Variants in CHD1 observed in about 807,000 individuals in gnomAD.
The protein encoded by CHD1 is ATP-dependent chromatin remodeler CHD1.
Under a neutral mutation model 224.2 loss-of-function variants are expected in CHD1, and 36 were observed. The observed-to-expected ratio is 0.16, with a 90% CI of 0.12 to 0.21. The LOEUF is 0.21. Among genes scored for constraint, CHD1 ranks in the 10% least tolerant of loss-of-function variants. The probability of loss-of-function intolerance (pLI) is 1.00; values close to 1 mark genes in which losing one functional copy is unlikely to be tolerated. For missense variants in CHD1, 1,378 were observed against 1,994.8 expected, an observed-to-expected ratio of 0.69 and a Z score of 5.89; for synonymous variants, 668 against 658.3, an observed-to-expected ratio of 1.01 and a Z score of -0.23.
chr5:98,885,335 T>G (rs1173770667), intron 18 of CHD1, among the ~76,000 whole-genome samples: 2 of 152,226 alleles, frequency 1.3e-5, no homozygotes, highest in East Asian at 3.9e-4. Flanking sequence ...GAGGTTGCAG[T>G]GAGTTGAGAT....
intron 15 of CHD1, among the ~76,000 whole-genome samples, chr5:98,890,611 TTTTC>T (rs757029456): frequency 1.6e-4 from 24 of 152,300 alleles, no homozygotes; most frequent in Non-Finnish European, 3.2e-4. Context: ...CTACTTTGAC[TTTTC>T]TTTCTAAATA....
intron 16 of CHD1, 118 bp from the exon 17 acceptor site, chr5:98,888,358 C>T: frequency 2.6e-6 from 2 of 766,648 alleles, no homozygotes; most frequent in Non-Finnish European, 3.9e-6. Context: ...TGTTAGAAAA[C>T]AACTTATTTC....
intron 16 of CHD1, 48 bp downstream of exon 16, chr5:98,889,028 A>C: frequency 1.5e-6 from 2 of 1,336,036 alleles, no homozygotes; most frequent in Non-Finnish European, 2.1e-6. Flanking sequence ...AGTGAAATCA[A>C]CATTTCTAGA....
chr5:98,919,677 A>G (rs1752963633), intron 2 of CHD1, among the ~76,000 whole-genome samples: 1 of 152,178 alleles, frequency 6.6e-6, no homozygotes, highest in Non-Finnish European at 1.5e-5. Flanking sequence ...GTTAGAATGA[A>G]CCCTATAGCA....
intron 2 of CHD1, among the ~76,000 whole-genome samples, chr5:98,909,732 C>G (rs965659169): frequency 2.6e-5 from 4 of 152,102 alleles, no homozygotes; most frequent in African/African-American, 9.7e-5. Context: ...TGAGTTAAAT[C>G]GCCAGCATCC....
At position 98,910,023 on chromosome 5, in the gene CHD1, T is replaced by C. The variant is rs189343486; in HGVS notation, c.54-4925A>G. Among the ~76,000 whole-genome samples the C allele has an allele frequency of 3.3e-3, 498 of 152,280 alleles. 9 individuals carry two copies. The highest frequency in any genetic ancestry group is 0.022 in the Admixed American group (329 of 15,296). ...GCCATTTTATCAAAAAGCCCTTCTATTTATAATAAATTAGAAACTAAGTTG... is the reference window on the plus strand; with the variant it reads ...GCCATTTTATCAAAAAGCCCTTCTACTTATAATAAATTAGAAACTAAGTTG... On this transcript the variant is annotated intron_variant, in intron 2 of 35. Coordinates refer to ENST00000614616, the MANE Select transcript of CHD1 (RefSeq NM_001270.4).
intron 17 of CHD1, among the ~76,000 whole-genome samples, chr5:98,886,816 G>A (rs1750679618): frequency 6.6e-6 from 1 of 151,966 alleles, no homozygotes; most frequent in African/African-American, 2.4e-5. Flanking sequence ...CATTACTGTG[G>A]CATGACCTAA....
intron 34 of CHD1, 44 bp from the exon 35 acceptor site, chr5:98,858,434 G>A: frequency 6.6e-7 from 1 of 1,519,320 alleles, no homozygotes; most frequent in Admixed American, 1.8e-5. Flanking sequence ...TAAAAATAAT[G>A]TGGCAAAAAA....
rs1034806946 is a variant in CHD1, at chr5:98,882,426, G to T, written c.2719-303C>A. Among the ~76,000 whole-genome samples, 9 of 141,428 alleles carry T rather than the reference G, an allele frequency of 6.4e-5. No homozygotes were observed. The Admixed American group carries it at 6.5e-4, about 10-fold the overall frequency. 92.8% of individuals were successfully genotyped at this position (141,428 alleles called of 152,430 possible). A position where few individuals can be genotyped will look rare whatever the true frequency, so the allele number is the denominator to read the frequency against. ...GATTTAGCTGGGGAAAATGGGGGGG[G>T]GGCATGTAAACTTCTGATAGCCTTC... On this transcript the variant is annotated intron_variant, in intron 19 of 35. Transcript: ENST00000614616.
At chr5:98,926,229 C>A in intron 2 of CHD1, 105 bp downstream of exon 2, 1 of 690,680 alleles carries the variant, frequency 1.4e-6, no homozygotes, top group Non-Finnish European at 2.4e-6. Context: ...CCTGAAAACT[C>A]TGCTACCTAT....
intron 31 of CHD1, among the ~76,000 whole-genome samples, chr5:98,864,517 C>CA (rs67061692): frequency 0.079 from 4,566 of 57,996 alleles, 329 homozygotes; most frequent in Non-Finnish European, 0.1. Context: ...GATTCTATAC[C>CA]AAAAAAAAAA....
In CHD1 at chr5:98,928,976, T is replaced by C. The variant is rs1219961055; in HGVS notation, c.-586A>G. On this transcript the variant is annotated 5_prime_UTR_variant, in exon 1 of 36. Transcript: ENST00000614616. ...GCCTCCCGCGCGACGTAAGCGCCTC[T>C]GCTCACTCCCCTTCCCGACAGAGCG... The C allele has an allele frequency of 6.5e-6, 1 of 153,004 alleles. No homozygotes were observed. Among genetic ancestry groups the C allele is most frequent in the African/African-American group, 2.4e-5 (1 of 41,376 alleles). The allele number at this position is 153,004 out of a possible 1,614,324, so 9.5% of individuals were successfully genotyped here. A position where few individuals can be genotyped will look rare whatever the true frequency, so the allele number is the denominator to read the frequency against.
chr5:98,908,342 G>GT (rs1752179968), intron 2 of CHD1, among the ~76,000 whole-genome samples: 1 of 152,018 alleles, frequency 6.6e-6, no homozygotes. Context: ...GTTAAATCAG[G>GT]TTTACTTCCA....
chr5:98,896,887 A>G (rs1390628208), intron 11 of CHD1, among the ~76,000 whole-genome samples: 1 of 152,132 alleles, frequency 6.6e-6, no homozygotes, highest in African/African-American at 2.4e-5. Context: ...GTAAATGGAT[A>G]TTAAAATAAC....
Position 98,868,545 on chromosome 5 carries a change from C to T in CHD1, c.4198G>A (p.Val1400Ile), listed in dbSNP as rs1016569341. The change falls in exon 31 of 36, where the codon GTT becomes ATT. Residue 1400 changes from valine (V) to isoleucine (I), a missense_variant. By Grantham distance (29) the Val-to-Ile change is conservative. Transcript: ENST00000614616. ...PVHITASGEP[V>I]PISEESEELD... ...TCTTCAGATTCTTCAGAAATGGGAA[C>T]TGGTTCACCACTTGCCGTGATATGA... 6.2e-7 allele frequency: 1 copy of T among 1,612,608 alleles called. No homozygotes were observed. Among genetic ancestry groups the T allele is most frequent in the African/African-American group, 1.3e-5 (1 of 74,954 alleles).
At chr5:98,903,499 G>C (rs567956380) in intron 4 of CHD1, among the ~76,000 whole-genome samples, 1 of 151,376 alleles carries the variant, frequency 6.6e-6, no homozygotes, top group African/African-American at 2.4e-5. Flanking sequence ...TATGCGTGTA[G>C]GTGCATATCA....
intron 7 of CHD1, 46 bp downstream of exon 7, chr5:98,900,765 A>C (rs1384580414): frequency 2.6e-6 from 4 of 1,543,756 alleles, no homozygotes; most frequent in Non-Finnish European, 3.5e-6. Flanking sequence ...TACTCCTGTA[A>C]ATATTATTTA....
At chr5:98,898,506 A>G in intron 9 of CHD1, 72 bp from the exon 10 acceptor site, 7 of 1,337,618 alleles carry the variant, frequency 5.2e-6, no homozygotes, top group Non-Finnish European at 6.9e-6. Context: ...CATAATTCTT[A>G]GTAAAGGCTA....
At chr5:98,866,662 G>A (rs954086427) in intron 31 of CHD1, among the ~76,000 whole-genome samples, 1 of 151,976 alleles carries the variant, frequency 6.6e-6, no homozygotes, top group Non-Finnish European at 1.5e-5. Context: ...AGATTCAGAT[G>A]CTAGAAATCT....
Sources: allele counts gnomAD v4.1 joint callset (sites outside exome capture counted in the v4.1 genomes callset), GRCh38; gene constraint gnomAD v4.1.1; transcripts MANE v1.5; gene names NCBI Gene and HGNC (gene_info 2026-07-23, HGNC 2026-07-21).